Variants in SYNE2 observed in about 807,000 individuals in gnomAD.
SYNE2 encodes nesprin-2.
A neutral mutation model predicts 856.3 loss-of-function variants in SYNE2; 431 were observed. That is an observed-to-expected ratio of 0.50 (90% confidence interval 0.47 to 0.55). The LOEUF (loss-of-function observed/expected upper bound fraction) is 0.55. Ranked by LOEUF, SYNE2 falls within the 20% of genes least tolerant of loss-of-function variation. The probability of loss-of-function intolerance (pLI) is 0.00; values close to 1 mark genes in which losing one functional copy is unlikely to be tolerated. For synonymous variants in SYNE2, 2,923 were observed against 2,872.3 expected (o/e 1.02, Z -0.56); for missense variants, 8,129 against 8,023.2 (o/e 1.01, Z -0.50).
intron 38 of SYNE2, 21 bp from the exon 39 acceptor site, chr14:64,024,236 G>T: frequency 6.2e-7 from 1 of 1,612,172 alleles, no homozygotes; most frequent in Middle Eastern, 1.7e-4. Context: ...AGATTGTAAT[G>T]GACTTTTTGT....
rs2097194932 is a variant in SYNE2 at position 64,047,517 on chromosome 14, G to C, written c.7222-483G>C. ...CAGGCTTTAAACTGTCTTTGGCATGGAGGTGGGGTTTCACTGGGGGCTTGC... is the reference window on the plus strand; with the variant it reads ...CAGGCTTTAAACTGTCTTTGGCATGCAGGTGGGGTTTCACTGGGGGCTTGC... On this transcript the variant is annotated intron_variant, in intron 45 of 115. Coordinates refer to ENST00000555002, the MANE Select transcript of SYNE2 (RefSeq NM_182914.3). Among the ~76,000 whole-genome samples, 3 of 152,300 alleles carry C rather than the reference G, an allele frequency of 2.0e-5. No individual in the cohort carries two copies. The South Asian group carries it at 6.2e-4, about 32-fold the overall frequency.
chr14:63,855,353 T>C (rs1891439534), intron 1 of SYNE2, among the ~76,000 whole-genome samples: 1 of 152,192 alleles, frequency 6.6e-6, no homozygotes, highest in African/African-American at 2.4e-5. Context: ...CCTATGTCTC[T>C]CTGAGTGAAT....
intron 64 of SYNE2, among the ~76,000 whole-genome samples, chr14:64,105,527 A>G (rs966722790): frequency 2.6e-5 from 4 of 152,212 alleles, no homozygotes; most frequent in Admixed American, 6.5e-5. Flanking sequence ...TTTAAAGGTG[A>G]AGTAACTGAG....
intron 52 of SYNE2, among the ~76,000 whole-genome samples, chr14:64,073,204 G>C (rs1205001476): frequency 6.6e-6 from 1 of 152,102 alleles, no homozygotes; most frequent in Non-Finnish European, 1.5e-5. Context: ...TGGAGGTAGG[G>C]GTGGTACTGA....
intron 18 of SYNE2, among the ~76,000 whole-genome samples, chr14:63,985,945 C>A (rs2096622286): frequency 6.6e-6 from 1 of 152,048 alleles, no homozygotes; most frequent in South Asian, 2.1e-4. Context: ...GAGGTTGAGG[C>A]TGCAATGAGC....
At chr14:63,960,502 A>G (rs915905412) in intron 8 of SYNE2, among the ~76,000 whole-genome samples, 10 of 152,208 alleles carry the variant, frequency 6.6e-5, no homozygotes, top group African/African-American at 2.2e-4. Context: ...GGCATGGACC[A>G]TACCTTATGT....
At chr14:63,763,120 A>G (rs1428862841) in intron 1 of SYNE2, among the ~76,000 whole-genome samples, 1 of 151,786 alleles carries the variant, frequency 6.6e-6, no homozygotes, top group African/African-American at 2.4e-5. Context: ...GGCGCCCACC[A>G]CCACACCTGG....
intron 99 of SYNE2, among the ~76,000 whole-genome samples, chr14:64,196,229 T>A (rs1234432134): frequency 6.6e-6 from 1 of 152,226 alleles, no homozygotes; most frequent in African/African-American, 2.4e-5. Flanking sequence ...GACTAAATGT[T>A]GGTCTTTAGG....
At chr14:63,969,041 T>G (rs1322219937) in intron 11 of SYNE2, among the ~76,000 whole-genome samples, 2 of 152,226 alleles carry the variant, frequency 1.3e-5, no homozygotes, top group Non-Finnish European at 2.9e-5. Flanking sequence ...TGAGTTAAAC[T>G]GTTTTGATTT....
At chr14:63,984,814 A>T (rs970955236) in intron 18 of SYNE2, among the ~76,000 whole-genome samples, 1 of 152,126 alleles carries the variant, frequency 6.6e-6, no homozygotes, top group Non-Finnish European at 1.5e-5. Flanking sequence ...ATCTGGAAAG[A>T]TCTGAATTTT....
intron 3 of SYNE2, 61 bp downstream of exon 3, chr14:63,940,736 G>C: frequency 1.3e-6 from 2 of 1,496,452 alleles, no homozygotes; most frequent in African/African-American, 2.8e-5. Context: ...TACTCCTTCT[G>C]TTTTGACCCC....
intron 43 of SYNE2, 108 bp from the exon 44 acceptor site, chr14:64,029,786 GT>G: frequency 7.7e-7 from 1 of 1,305,358 alleles, no homozygotes; most frequent in South Asian, 1.3e-5. Context: ...CCGTATTCCT[GT>G]TTCAAGATGA....
chr14:64,070,425 C>G (rs2097396763), intron 51 of SYNE2, among the ~76,000 whole-genome samples: 1 of 152,196 alleles, frequency 6.6e-6, no homozygotes, highest in African/African-American at 2.4e-5. Context: ...CAGCCCACCA[C>G]AGCAGTACTC....
intron 2 of SYNE2, among the ~76,000 whole-genome samples, chr14:63,920,519 G>A (rs537470151): frequency 1.0e-3 from 151 of 150,512 alleles, no homozygotes; most frequent in Admixed American, 2.6e-3. Context: ...AACATATAGG[G>A]GTCTGGAATT....
chr14:64,201,143 G>A (rs2098561761), intron 99 of SYNE2, among the ~76,000 whole-genome samples: 1 of 152,196 alleles, frequency 6.6e-6, no homozygotes, highest in South Asian at 2.1e-4. Flanking sequence ...GCAGGGTGCA[G>A]AGCTCTTAGA....
chr14:64,037,289 T>C lies in SYNE2; in HGVS notation c.7221+5932T>C, dbSNP rs541654056. 2.4e-4 allele frequency among the ~76,000 whole-genome samples: 37 copies of C among 151,980 alleles called. 1 individual carries two copies. The South Asian group carries it at 7.3e-3, about 30-fold the overall frequency. On this transcript the variant is annotated intron_variant, in intron 45 of 115. Transcript: ENST00000555002. The stretch of plus-strand genomic sequence containing the variant: ...CGGAGGACCCTGCGGCCTTCCGCAG[T>C]GTTTGTGTCCCTGGGTACTTGAGAT...
In SYNE2 at chr14:64,014,618, G is replaced by A. The variant is rs770081886; in HGVS notation, c.4729-1855G>A. On this transcript the variant is annotated intron_variant, in intron 32 of 115. Transcript: ENST00000555002. ...ATTTGTTTGTATTTTTAGTAGAGAC[G>A]GGATTTCACCATATTGGTCAGGCTG... 8.6e-5 allele frequency among the ~76,000 whole-genome samples: 13 copies of A among 152,016 alleles called. No homozygotes were observed. In the South Asian group the frequency reaches 2.1e-3, roughly 24 times the overall value.
At chr14:64,035,105 T>C (rs138334431) in intron 45 of SYNE2, among the ~76,000 whole-genome samples, 3 of 152,096 alleles carry the variant, frequency 2.0e-5, no homozygotes, top group African/African-American at 7.2e-5. Context: ...ACGTAATTGT[T>C]AGCATTTCTG....
At chr14:63,858,013 G>A (rs965583616) in intron 1 of SYNE2, among the ~76,000 whole-genome samples, 5 of 152,122 alleles carry the variant, frequency 3.3e-5, no homozygotes, top group Admixed American at 3.3e-4. Flanking sequence ...GATTGATGGG[G>A]CGACATCTGG....
Sources: allele counts gnomAD v4.1 joint callset (sites outside exome capture counted in the v4.1 genomes callset), GRCh38; gene constraint gnomAD v4.1.1; transcripts MANE v1.5; gene names NCBI Gene and HGNC (gene_info 2026-07-23, HGNC 2026-07-21).